Variants in SLC5A2 observed in about 807,000 individuals in gnomAD.
SLC5A2 encodes sodium/glucose cotransporter 2.
SLC5A2 carries 67 observed loss-of-function variants against 69.0 expected under a neutral mutation model. The ratio of observed to expected loss-of-function variants is 0.97; its 90% CI spans 0.80 to 1.19. The LOEUF (loss-of-function observed/expected upper bound fraction) is 1.19. Ranked by LOEUF, SLC5A2 falls within the 50% of genes most tolerant of loss-of-function variation. The pLI, the probability that SLC5A2 is intolerant of heterozygous loss-of-function variation, is 0.00. For synonymous variants in SLC5A2, 455 were observed against 395.8 expected, an observed-to-expected ratio of 1.15 and a Z score of -1.78; for missense variants, 1,001 against 921.5, an observed-to-expected ratio of 1.09 and a Z score of -1.12.
In SLC5A2 at chr16:31,489,185, C is replaced by T; in HGVS notation, c.1512C>T (p.Phe504=). 1 of 1,610,382 alleles carries T rather than the reference C, an allele frequency of 6.2e-7. No homozygotes were observed. Among genetic ancestry groups the T allele is most frequent in the Non-Finnish European group, 8.5e-7 (1 of 1,180,006 alleles). ...LMGLARLIPE[F]SFGSGSCVQP... Reference sequence around the variant, plus strand: ...GCCTGGCACGCCTGATTCCCGAGTTCTCCTTCGGCTCGGGCAGCTGTGTGC... The same window carrying T: ...GCCTGGCACGCCTGATTCCCGAGTTTTCCTTCGGCTCGGGCAGCTGTGTGC... Residue 504 remains phenylalanine (F), a synonymous_variant, in exon 12 of 14, where the codon TTC becomes TTT. Coordinates refer to ENST00000330498, the MANE Select transcript of SLC5A2 (RefSeq NM_003041.4).
intron 3 of SLC5A2, chr16:31,485,295 G>C (rs544651254): frequency 2.3e-4 from 103 of 450,504 alleles, no homozygotes; most frequent in African/African-American, 1.8e-3. Context: ...TTGCAGAAGA[G>C]AGGAGCAGAG....
In SLC5A2 at chr16:31,488,963, A is replaced by G; in HGVS notation, c.1364A>G (p.Tyr455Cys). The G allele has an allele frequency of 1.9e-6, 3 of 1,602,646 alleles. No individual in the cohort carries two copies. In the Middle Eastern group the frequency reaches 5.0e-4, roughly 267 times the overall value. The change falls in exon 11 of 14, where the codon TAC becomes TGC. Residue 455 changes from tyrosine (Y) to cysteine (C), a missense_variant. Tyr to Cys is a radical substitution (Grantham distance 194, BLOSUM62 -2). Transcript: ENST00000330498. The part of the protein sequence containing the change: ...QAAQGGQLFD[Y>C]IQAVSSYLAP... ...GCACAGGGCGGGCAGCTCTTCGATT[A>G]CATCCAGGCAGTCTCTAGCTACCTG...
Position 31,490,412 on chromosome 16 carries a change from G to A in SLC5A2, c.1896G>A (p.Glu632=), listed in dbSNP as rs756788287. 1.1e-5 allele frequency: 17 copies of A among 1,613,466 alleles called. No homozygotes were observed. The highest frequency in any genetic ancestry group is 6.7e-5 in the African/African-American group (5 of 74,944). ...VGSPPPLTQE[E]AAAAARRLED... is the part of the protein sequence containing the mutation. ...GTCCTCCGCCCCTTACCCAGGAGGA[G>A]GCAGCGGCAGCAGCCAGGCGGCTGG... Residue 632 remains glutamate (E), a synonymous_variant, in exon 14 of 14, where the codon GAG becomes GAA. Transcript: ENST00000330498.
intron 5 of SLC5A2, among the ~76,000 whole-genome samples, chr16:31,487,081 G>C (rs1457666002): frequency 1.3e-5 from 2 of 152,006 alleles, no homozygotes; most frequent in East Asian, 3.9e-4. Flanking sequence ...CTGGGGCCTA[G>C]AGGGGGCTGC....
chr16:31,485,349 C>T (rs2082486972), intron 3 of SLC5A2: 1 of 444,852 alleles, frequency 2.2e-6, no homozygotes, highest in Non-Finnish European at 4.1e-6. Context: ...GGAGATTGGG[C>T]TTTGAGCTCA....
chr16:31,489,524 G>T, intron 12 of SLC5A2, 186 bp downstream of exon 12: 1 of 646,602 alleles, frequency 1.5e-6, no homozygotes, highest in South Asian at 1.8e-5. Context: ...ACCGGCCTGG[G>T]GGAGGCTTGA....
At chr16:31,489,550 G>C (rs2082540928) in intron 12 of SLC5A2, 1 of 613,404 alleles carries the variant, frequency 1.6e-6, no homozygotes, top group Admixed American at 2.7e-5. Context: ...ATGGGTTGGT[G>C]ATTAAAGCCT....
rs770599074 is a variant in SLC5A2, at chr16:31,486,175, C to T, written c.474C>T (p.Asp158=). ...FLYIFTKISV[D]MFSGAVFIQQ... ...GCACTTGCTTCTCCCCCAAGGTGGA[C>T]ATGTTCTCCGGAGCTGTATTCATCC... is the stretch of plus-strand genomic sequence containing the variant. Residue 158 remains aspartate (D), a synonymous_variant, in exon 5 of 14, where the codon GAC becomes GAT. Coordinates refer to ENST00000330498, the MANE Select transcript of SLC5A2 (RefSeq NM_003041.4). 1 of 1,612,916 alleles carries T rather than the reference C, an allele frequency of 6.2e-7. No individual in the cohort carries two copies. Among genetic ancestry groups the T allele is most frequent in the Non-Finnish European group, 8.5e-7 (1 of 1,178,910 alleles).
At position 31,488,649 on chromosome 16, in the gene SLC5A2, T is replaced by C. The variant is rs751239457; in HGVS notation, c.1157T>C (p.Met386Thr). The C allele has an allele frequency of 1.2e-6, 2 of 1,612,130 alleles. No homozygotes were observed. The highest frequency in any genetic ancestry group is 1.7e-5 in the Admixed American group (1 of 59,976). The change falls in exon 10 of 14, where the codon ATG becomes ACG. Residue 386 changes from methionine to threonine, a missense_variant. Physicochemically the swap from Met to Thr is moderately conservative, Grantham distance 81. Transcript: ENST00000330498. ...NGLRGLMLAVMLAALMSSLAS... is the reference protein window; with the variant it reads ...NGLRGLMLAVTLAALMSSLAS... ...CTGCGCGGACTCATGCTGGCGGTCA[T>C]GCTGGCCGCGCTCATGTCCTCGCTG...
At chr16:31,484,256 A>ACG (rs1170479542) in intron 1 of SLC5A2, among the ~76,000 whole-genome samples, 11,400 of 145,634 alleles carry the variant, frequency 0.078, 1,994 homozygotes, top group Middle Eastern at 0.13. Flanking sequence ...ACACACACAC[A>ACG]CGCACACACA....
At chr16:31,489,747 G>A in intron 12 of SLC5A2, 1 of 443,914 alleles carries the variant, frequency 2.3e-6, no homozygotes, top group Non-Finnish European at 4.2e-6. Flanking sequence ...TGGAAGGATG[G>A]CCGGGTTTCT....
rs1441071502 is a variant in SLC5A2, at chr16:31,487,714, C to A, written c.840C>A (p.Leu280=). 6.2e-7 allele frequency: 1 copy of A among 1,612,702 alleles called. No individual in the cohort carries two copies. The highest frequency in any genetic ancestry group is 1.3e-5 in the African/African-American group (1 of 74,938). The change falls in exon 7 of 14, where the codon CTC becomes CTA. Residue 280 remains leucine (L), a synonymous_variant. Coordinates refer to ENST00000330498, the MANE Select transcript of SLC5A2 (RefSeq NM_003041.4). ...VTGDLPWPAL[L]LGLTIVSGWY... is the part of the protein sequence containing the mutation. ...GGGATCTGCCGTGGCCCGCGCTGCT[C>A]CTCGGACTCACAATCGTCTCGGGCT...
chr16:31,484,890 A>T lies in SLC5A2; in HGVS notation c.270A>T (p.Ala90=), dbSNP rs778378562. 9 of 1,614,062 alleles carry T rather than the reference A, an allele frequency of 5.6e-6. No individual in the cohort carries two copies. The highest frequency in any genetic ancestry group is 7.6e-6 in the Non-Finnish European group (9 of 1,180,048). Residue 90 remains alanine, a synonymous_variant, in exon 3 of 14, where the codon GCA becomes GCT. Transcript: ENST00000330498. The part of the protein sequence containing the change: ...HFVGLAGTGA[A]SGLAVAGFEW... ...TGGGCCTGGCAGGGACTGGCGCTGCAAGTGGCTTGGCTGTTGCTGGATTCG... is the reference window on the plus strand; with the variant it reads ...TGGGCCTGGCAGGGACTGGCGCTGCTAGTGGCTTGGCTGTTGCTGGATTCG...
Position 31,485,780 on chromosome 16 carries a change from ACAGCGGGGGTCAT to A in SLC5A2, c.358_370del (p.Ala120ArgfsTer63), listed in dbSNP as rs767365323. 14 of 1,613,636 alleles carry A rather than the reference ACAGCGGGGGTCAT, an allele frequency of 8.7e-6. No individual in the cohort carries two copies. Among genetic ancestry groups the A allele is most frequent in the Non-Finnish European group, 1.2e-5 (14 of 1,180,030 alleles). Reference sequence around the variant, plus strand: ...CTGGCTGTTTGCACCCGTGTACCTGACAGCGGGGGTCATCACGATGCCACAGTACCTGCGCAAG... The same window carrying A: ...CTGGCTGTTTGCACCCGTGTACCTGACACGATGCCACAGTACCTGCGCAAG... On this transcript the variant is annotated frameshift_variant, in exon 4 of 14. Transcript: ENST00000330498. LOFTEE classifies it high-confidence loss of function.
intron 1 of SLC5A2, among the ~76,000 whole-genome samples, chr16:31,484,227 T>C (rs2082476604): frequency 1.4e-5 from 2 of 139,822 alleles, no homozygotes; most frequent in East Asian, 2.0e-4. Context: ...TCTACTAAAA[T>C]ACACACACAC....
At chr16:31,487,296 T>TC in intron 5 of SLC5A2, 24 bp from the exon 6 acceptor site, 1 of 1,612,658 alleles carries the variant, frequency 6.2e-7, no homozygotes. Flanking sequence ...AGCTGGGCTG[T>TC]CCCCTGACCC....
Position 31,488,418 on chromosome 16 carries a change from C to T in SLC5A2, c.1057C>T (p.Arg353Cys), listed in dbSNP as rs748992550. Residue 353 changes from arginine (R) to cysteine (C), a missense_variant, in exon 9 of 14, where the codon CGC becomes TGC. Transcript: ENST00000330498. ...VACVVPEVCRRVCGTEVGCSN... is the reference protein window; with the variant it reads ...VACVVPEVCRCVCGTEVGCSN... ...GTGCGTGGTGCCTGAGGTGTGCAGGCGCGTGTGCGGCACGGAGGTGGGCTG... is the reference window on the plus strand; with the variant it reads ...GTGCGTGGTGCCTGAGGTGTGCAGGTGCGTGTGCGGCACGGAGGTGGGCTG... The T allele has an allele frequency of 1.2e-6, 2 of 1,611,740 alleles. No individual in the cohort carries two copies. The highest frequency in any genetic ancestry group is 1.7e-5 in the Admixed American group (1 of 59,912).
In SLC5A2 at chr16:31,488,914, G is replaced by T; in HGVS notation, c.1315G>T (p.Ala439Ser). 6.2e-7 allele frequency: 1 copy of T among 1,605,254 alleles called. No individual in the cohort carries two copies. ...GGTGTTCATCGTGGTAGTGTCGGTG[G>T]CCTGGCTTCCCGTGGTGCAGGCGGC... ...WVVFIVVVSV[A>S]WLPVVQAAQG... Residue 439 changes from alanine (A) to serine (S), a missense_variant, in exon 11 of 14, where the codon GCC (alanine) becomes TCC (serine). Physicochemically the swap from Ala to Ser is moderately conservative, Grantham distance 99 (BLOSUM62 1). Transcript: ENST00000330498.
At position 31,485,803 on chromosome 16, in the gene SLC5A2, A is replaced by G. The variant is rs746062865; in HGVS notation, c.378A>G (p.Pro126=). The stretch of plus-strand genomic sequence containing the variant: ...TGACAGCGGGGGTCATCACGATGCC[A>G]CAGTACCTGCGCAAGCGCTTCGGCG... ...VYLTAGVITM[P]QYLRKRFGGR... Residue 126 remains proline, a synonymous_variant, in exon 4 of 14, where the codon CCA becomes CCG. Transcript: ENST00000330498. 20 of 1,613,522 alleles carry G rather than the reference A, an allele frequency of 1.2e-5. No homozygotes were observed. The Admixed American group carries it at 3.3e-4, about 27-fold the overall frequency.
Sources: allele counts gnomAD v4.1 joint callset (sites outside exome capture counted in the v4.1 genomes callset), GRCh38; gene constraint gnomAD v4.1.1; transcripts MANE v1.5; gene names NCBI Gene and HGNC (gene_info 2026-07-23, HGNC 2026-07-21).